NTM: variants seen among roughly 807,000 people sequenced by gnomAD.
The protein encoded by NTM is neurotrimin.
NTM carries 13 observed loss-of-function variants against 42.1 expected under a neutral mutation model. The observed-to-expected ratio is 0.31, with a 90% CI of 0.20 to 0.49. The LOEUF (loss-of-function observed/expected upper bound fraction) is 0.49. NTM is among the 20% of genes least tolerant of loss of function. NTM has a pLI of 0.99. For synonymous variants in NTM, 187 were observed against 179.2 expected (o/e 1.04, Z -0.35); for missense variants, 373 against 452.8 (o/e 0.82, Z 1.60).
intron 1 of NTM, among the ~76,000 whole-genome samples, chr11:131,491,748 T>C (rs1004651835): frequency 1.3e-5 from 2 of 152,108 alleles, no homozygotes; most frequent in Non-Finnish European, 2.9e-5. Context: ...TAAGACAAGA[T>C]GAGGAATGAG....
intron 1 of NTM, among the ~76,000 whole-genome samples, chr11:131,626,094 T>C (rs1565345485): frequency 6.6e-6 from 1 of 152,176 alleles, no homozygotes; most frequent in Non-Finnish European, 1.5e-5. Context: ...ATTCAATTTA[T>C]TTATTAAAAT....
intron 2 of NTM, among the ~76,000 whole-genome samples, chr11:132,085,481 C>G (rs1229957890): frequency 6.6e-6 from 1 of 152,200 alleles, no homozygotes; most frequent in Non-Finnish European, 1.5e-5. Flanking sequence ...AAACATTTAG[C>G]AAACCTAGTA....
chr11:132,133,996 A>G (rs574131379), intron 2 of NTM, among the ~76,000 whole-genome samples: 1 of 152,168 alleles, frequency 6.6e-6, no homozygotes, highest in East Asian at 1.9e-4. Flanking sequence ...GCCACACCCA[A>G]ATCTTTATTC....
intron 3 of NTM, among the ~76,000 whole-genome samples, chr11:132,203,792 G>C (rs150122718): frequency 0.027 from 4,097 of 152,120 alleles, 89 homozygotes; most frequent in Middle Eastern, 0.072. Flanking sequence ...CCAGCTACTC[G>C]GGAGGCTGAG....
At chr11:131,405,137 T>G (rs1945670122) in intron 1 of NTM, among the ~76,000 whole-genome samples, 3 of 152,176 alleles carry the variant, frequency 2.0e-5, no homozygotes, top group Admixed American at 2.0e-4. Context: ...GCAAATCCCT[T>G]GGAATAGCAG....
At chr11:132,051,682 A>T (rs1262877898) in intron 2 of NTM, among the ~76,000 whole-genome samples, 1 of 152,066 alleles carries the variant, frequency 6.6e-6, no homozygotes, top group East Asian at 1.9e-4. Context: ...CCCCAGGAGG[A>T]CCCCTTAGAC....
At chr11:131,479,898 TAAA>T (rs533094928) in intron 1 of NTM, among the ~76,000 whole-genome samples, 4 of 152,026 alleles carry the variant, frequency 2.6e-5, no homozygotes, top group Non-Finnish European at 5.9e-5. Flanking sequence ...AATTTTTTTT[TAAA>T]AAAATCAAAA....
At position 131,981,909 on chromosome 11, in the gene NTM, C is replaced by T. The variant is rs150930179; in HGVS notation, c.167+70261C>T. 4.5e-3 allele frequency among the ~76,000 whole-genome samples: 684 copies of T among 151,828 alleles called. 8 individuals carry two copies. The highest frequency in any genetic ancestry group is 0.017 in the Middle Eastern group (5 of 294). On this transcript the variant is annotated intron_variant, in intron 2 of 8. Coordinates refer to ENST00000683400, the MANE Select transcript of NTM (RefSeq NM_001352005.2). ...TGCCTGTAATCCCAGCTACTTGGGA[C>T]GCTGAGGCAGGATAATTGCTTGAAC...
chr11:131,715,789 T>C (rs2077633293), intron 1 of NTM, among the ~76,000 whole-genome samples: 1 of 152,218 alleles, frequency 6.6e-6, no homozygotes, highest in African/African-American at 2.4e-5. Flanking sequence ...CTTCACTCAG[T>C]ATAATTATTT....
chr11:131,597,950 C>G (rs537570931), intron 1 of NTM, among the ~76,000 whole-genome samples: 1 of 152,340 alleles, frequency 6.6e-6, no homozygotes, highest in South Asian at 2.1e-4. Flanking sequence ...AGACCAGCCA[C>G]AAAACTGGAA....
At chr11:131,402,117 C>T (rs1945306618) in intron 1 of NTM, among the ~76,000 whole-genome samples, 2 of 151,400 alleles carry the variant, frequency 1.3e-5, no homozygotes, top group African/African-American at 4.9e-5. Flanking sequence ...CGTCATTGAC[C>T]TATATGGGTG....
intron 1 of NTM, among the ~76,000 whole-genome samples, chr11:131,789,934 C>A (rs1201243542): frequency 9.6e-5 from 11 of 114,012 alleles, no homozygotes; most frequent in African/African-American, 2.8e-4. Flanking sequence ...CCAGCCTGGG[C>A]GACAGAGCGA....
chr11:131,565,056 T>A (rs1476657416), intron 1 of NTM, among the ~76,000 whole-genome samples: 1 of 152,206 alleles, frequency 6.6e-6, no homozygotes. Context: ...CGCAGATGCT[T>A]GCGGTACCTC....
At chr11:132,110,202 C>A (rs1276467426) in intron 2 of NTM, among the ~76,000 whole-genome samples, 1 of 152,186 alleles carries the variant, frequency 6.6e-6, no homozygotes, top group South Asian at 2.1e-4. Flanking sequence ...GTGTGCTATA[C>A]CCCAGTGGCT....
intron 1 of NTM, among the ~76,000 whole-genome samples, chr11:131,466,761 G>T (rs1190586413): frequency 6.6e-6 from 1 of 152,212 alleles, no homozygotes; most frequent in African/African-American, 2.4e-5. Context: ...ATAGAATCAA[G>T]TATATAACTA....
chr11:132,256,203 A>G (rs1245675782), intron 4 of NTM, among the ~76,000 whole-genome samples: 2 of 152,112 alleles, frequency 1.3e-5, no homozygotes, highest in Non-Finnish European at 2.9e-5. Flanking sequence ...TTGCTTTCCA[A>G]CATCCTTTTC....
chr11:132,028,271 G>A (rs1295862297), intron 2 of NTM, among the ~76,000 whole-genome samples: 5 of 140,520 alleles, frequency 3.6e-5, no homozygotes, highest in Admixed American at 7.3e-5. Context: ...TCGTCTTATA[G>A]TATGCTGGTG....
intron 1 of NTM, among the ~76,000 whole-genome samples, chr11:131,712,186 A>C (rs1267040675): frequency 2.8e-5 from 4 of 144,346 alleles, no homozygotes; most frequent in Non-Finnish European, 6.0e-5. Flanking sequence ...AAAAAAAAAC[A>C]AAAAAAAACC....
chr11:131,597,587 T>A lies in NTM; in HGVS notation c.82+226699T>A, dbSNP rs535454104. 2.1e-3 allele frequency among the ~76,000 whole-genome samples: 326 copies of A among 152,294 alleles called. 1 individual carries two copies. Among genetic ancestry groups the A allele is most frequent in the Non-Finnish European group, 3.4e-3 (230 of 68,032 alleles). On this transcript the variant is annotated intron_variant, in intron 1 of 8. Coordinates refer to ENST00000683400, the MANE Select transcript of NTM (RefSeq NM_001352005.2). ...CTATTTCTGCTGCACTGCACTGCCC[T>A]CTACCCTTACCCCTGGGAAGGAGGG...
Sources: allele counts gnomAD v4.1 joint callset (sites outside exome capture counted in the v4.1 genomes callset), GRCh38; gene constraint gnomAD v4.1.1; transcripts MANE v1.5; gene names NCBI Gene and HGNC (gene_info 2026-07-23, HGNC 2026-07-21).